ZWILCH: variants seen among roughly 807,000 people sequenced by gnomAD.
ZWILCH encodes the protein protein zwilch homolog.
ZWILCH carries 74 observed loss-of-function variants against 79.9 expected under a neutral mutation model. The observed-to-expected ratio is 0.93, with a 90% CI of 0.77 to 1.12. The LOEUF is 1.12. Among genes scored for constraint, ZWILCH ranks in the 50% most tolerant of loss-of-function variants. The pLI, the probability that ZWILCH is intolerant of heterozygous loss-of-function variation, is 0.00. For missense variants in ZWILCH, 694 were observed against 687.5 expected (o/e 1.01, Z -0.11); for synonymous variants, 241 against 228.2 (o/e 1.06, Z -0.51).
chr15:66,533,712 CTACA>C (rs1384208641), intron 14 of ZWILCH, among the ~76,000 whole-genome samples: 2 of 140,544 alleles, frequency 1.4e-5, no homozygotes, highest in Admixed American at 7.1e-5. Context: ...CTAGCAAAAA[CTACA>C]CACACACACA....
At position 66,507,901 on chromosome 15, in the gene ZWILCH, C is replaced by G. The variant is rs1893888634; in HGVS notation, c.54-940C>G. On this transcript the variant is annotated intron_variant, in intron 1 of 18. Coordinates refer to ENST00000307897, the MANE Select transcript of ZWILCH (RefSeq NM_017975.5). ...TGAGCGGAGATCACGCCACTGTACT[C>G]CAACTCCAGCCTGGGCCACAGAGCG... Among the ~76,000 whole-genome samples the G allele has an allele frequency of 8.0e-5, 12 of 150,412 alleles. No homozygotes were observed. The South Asian group carries it at 2.5e-3, about 32-fold the overall frequency.
intron 7 of ZWILCH, chr15:66,523,415 G>T: frequency 3.2e-6 from 1 of 310,068 alleles, no homozygotes; most frequent in Non-Finnish European, 5.9e-6. Context: ...AGTGTGTGAG[G>T]AGGGCAGTTG....
At chr15:66,538,026 C>T (rs1895068277) in intron 16 of ZWILCH, among the ~76,000 whole-genome samples, 1 of 152,118 alleles carries the variant, frequency 6.6e-6, no homozygotes, top group Non-Finnish European at 1.5e-5. Context: ...TAGGGTATGA[C>T]TGTGGGAGTG....
chr15:66,513,728 C>T (rs914612219), intron 2 of ZWILCH, among the ~76,000 whole-genome samples: 8 of 152,014 alleles, frequency 5.3e-5, no homozygotes, highest in Admixed American at 1.3e-4. Flanking sequence ...CCCGCCACCA[C>T]GCCTGGCTAA....
At chr15:66,548,300 T>C (rs942381134) in intron 18 of ZWILCH, 51 bp from the exon 19 acceptor site, 1 of 263,876 alleles carries the variant, frequency 3.8e-6, no homozygotes, top group Admixed American at 5.1e-5. Context: ...ATTACAAGTG[T>C]TTTTTTTTTT....
intron 17 of ZWILCH, among the ~76,000 whole-genome samples, chr15:66,543,968 G>A (rs1895271839): frequency 6.6e-6 from 1 of 152,130 alleles, no homozygotes; most frequent in Non-Finnish European, 1.5e-5. Context: ...GAAGAAACAT[G>A]TCTTTTAAAG....
Position 66,534,162 on chromosome 15 carries a change from TTTC to T in ZWILCH, c.1341+1155_1341+1157del, listed in dbSNP as rs375118469. On this transcript the variant is annotated intron_variant, in intron 14 of 18. Transcript: ENST00000307897. Reference sequence around the variant, plus strand: ...TATGTCTGTACTGAATATGTGTGGATTTCTTCTTGTCATTATTCTCTTTTTTTT... The same window carrying T: ...TATGTCTGTACTGAATATGTGTGGATTTCTTGTCATTATTCTCTTTTTTTT... Among the ~76,000 whole-genome samples the T allele has an allele frequency of 3.9e-5, 6 of 152,256 alleles. No individual in the cohort carries two copies. The East Asian group carries it at 9.7e-4, about 25-fold the overall frequency.
At position 66,528,936 on chromosome 15, in the gene ZWILCH, CTG is replaced by C; in HGVS notation, c.1057_1058del (p.Trp353ValfsTer6). The C allele has an allele frequency of 6.2e-7, 1 of 1,613,996 alleles. No homozygotes were observed. Among genetic ancestry groups the C allele is most frequent in the Non-Finnish European group, 8.5e-7 (1 of 1,179,908 alleles). ...GAGTGATCTTGATTTTGCTGAGCAA[CTG>C]TGGTGCAAAATGAGCAGTAGTAGGT... ...VRSDLDFAEQ[L>X]WCKMSSSVIS... On this transcript the variant is annotated frameshift_variant, in exon 11 of 19. Transcript: ENST00000307897. LOFTEE classifies it high-confidence loss of function.
At chr15:66,509,869 A>ATATATC (rs1555423546) in intron 2 of ZWILCH, among the ~76,000 whole-genome samples, 3 of 102,226 alleles carry the variant, frequency 2.9e-5, no homozygotes, top group African/African-American at 1.1e-4. Context: ...ATATATATAT[A>ATATATC]TCTCTTAAAA....
intron 8 of ZWILCH, among the ~76,000 whole-genome samples, chr15:66,524,751 T>A (rs1236704617): frequency 6.6e-6 from 1 of 152,224 alleles, no homozygotes; most frequent in East Asian, 1.9e-4. Context: ...TTGATACTTT[T>A]ACTTCCTATG....
intron 2 of ZWILCH, among the ~76,000 whole-genome samples, chr15:66,512,681 C>G (rs919790697): frequency 1.3e-5 from 2 of 152,198 alleles, no homozygotes; most frequent in African/African-American, 4.8e-5. Flanking sequence ...GATATCGGCT[C>G]ACTGCAACCT....
chr15:66,544,497 T>C (rs1383366364), intron 17 of ZWILCH, among the ~76,000 whole-genome samples: 1 of 151,678 alleles, frequency 6.6e-6, no homozygotes, highest in Non-Finnish European at 1.5e-5. Flanking sequence ...CATGCCTGCC[T>C]AATTTTTTCC....
chr15:66,517,417 CGTGT>C (rs141565295), intron 4 of ZWILCH, among the ~76,000 whole-genome samples: 2 of 80,782 alleles, frequency 2.5e-5, no homozygotes, highest in Non-Finnish European at 4.7e-5. Context: ...TTTGTGTGTG[CGTGT>C]GTGTGTGTGT....
At chr15:66,521,448 T>C (rs1894490665) in intron 7 of ZWILCH, among the ~76,000 whole-genome samples, 1 of 152,158 alleles carries the variant, frequency 6.6e-6, no homozygotes, top group African/African-American at 2.4e-5. Context: ...TTTCTAGTGA[T>C]GAATAAAGTT....
chr15:66,545,223 G>A (rs894271561), intron 17 of ZWILCH, among the ~76,000 whole-genome samples: 4 of 151,786 alleles, frequency 2.6e-5, no homozygotes, highest in Non-Finnish European at 5.9e-5. Flanking sequence ...GCATGGTGGC[G>A]GGTGCCTGTA....
chr15:66,507,986 G>T, intron 1 of ZWILCH, among the ~76,000 whole-genome samples: 1 of 150,400 alleles, frequency 6.6e-6, no homozygotes, highest in Admixed American at 6.6e-5. Context: ...TGAGTTATAC[G>T]TAAGACATAA....
chr15:66,540,038 G>A, intron 16 of ZWILCH, 60 bp from the exon 17 acceptor site: 1 of 1,184,894 alleles, frequency 8.4e-7, no homozygotes, highest in Non-Finnish European at 1.2e-6. Context: ...GGCTGTAGAG[G>A]GAAGGAAGTA....
chr15:66,532,188 A>C, intron 12 of ZWILCH, 59 bp from the exon 13 acceptor site: 8 of 1,328,520 alleles, frequency 6.0e-6, no homozygotes, highest in Non-Finnish European at 8.0e-6. Flanking sequence ...CTTCTCTTTT[A>C]CTTGTTGGGT....
Position 66,527,875 on chromosome 15 carries a change from G to A in ZWILCH, c.932G>A (p.Gly311Glu). The A allele has an allele frequency of 6.3e-7, 1 of 1,599,792 alleles. No homozygotes were observed. The highest frequency in any genetic ancestry group is 1.1e-5 in the South Asian group (1 of 88,088). Residue 311 changes from glycine to glutamate, a missense_variant, in exon 10 of 19, where the codon GGA becomes GAA. Coordinates refer to ENST00000307897, the MANE Select transcript of ZWILCH (RefSeq NM_017975.5). ...TTTCTAGACTTAAATAAGCTGGATG[G>A]ATTTGGTGATTCTACAAAAAAAGAC... Reference protein sequence around the residue: ...EFLNDLNKLDGFGDSTKKDTE... With the variant: ...EFLNDLNKLDEFGDSTKKDTE...
Sources: gnomAD v4.1 joint callset for allele counts (sites outside exome capture counted in the v4.1 genomes callset) on GRCh38, gnomAD v4.1.1 for gene constraint, MANE v1.5 for transcripts, NCBI Gene and HGNC (gene_info 2026-07-23, HGNC 2026-07-21) for gene names.